Variants in VTA1 observed in about 807,000 individuals in gnomAD.
The protein encoded by VTA1 is vacuolar protein sorting-associated protein VTA1 homolog.
Under a neutral mutation model 36.9 loss-of-function variants are expected in VTA1, and 24 were observed. The observed-to-expected ratio is 0.65, with a 90% CI of 0.47 to 0.91. The LOEUF (loss-of-function observed/expected upper bound fraction) is 0.91. Ranked by LOEUF, VTA1 falls within the 40% of genes least tolerant of loss-of-function variation. The probability of loss-of-function intolerance (pLI) is 0.00; values close to 1 mark genes in which losing one functional copy is unlikely to be tolerated. For synonymous variants in VTA1, 142 were observed against 130.2 expected, an observed-to-expected ratio of 1.09 and a Z score of -0.62; for missense variants, 393 against 377.2, an observed-to-expected ratio of 1.04 and a Z score of -0.35.
chr6:142,210,048 G>A (rs186525321), intron 7 of VTA1, among the ~76,000 whole-genome samples: 5 of 152,056 alleles, frequency 3.3e-5, no homozygotes, highest in African/African-American at 7.2e-5. Context: ...AAACAACATG[G>A]TACTGGCATA....
intron 1 of VTA1, among the ~76,000 whole-genome samples, chr6:142,157,861 C>T (rs1582876386): frequency 2.2e-5 from 3 of 136,874 alleles, no homozygotes; most frequent in Non-Finnish European, 3.1e-5. Context: ...TATGTTTTTA[C>T]TATTTTGGGT....
At chr6:142,194,934 G>T (rs1052086241) in intron 5 of VTA1, among the ~76,000 whole-genome samples, 9 of 152,056 alleles carry the variant, frequency 5.9e-5, no homozygotes, top group African/African-American at 9.6e-5. Context: ...CTGTTAATAT[G>T]AGTTACATTG....
intron 4 of VTA1, among the ~76,000 whole-genome samples, chr6:142,176,683 A>T (rs1322126160): frequency 4.6e-5 from 7 of 152,100 alleles, no homozygotes; most frequent in Non-Finnish European, 1.5e-5. Context: ...ATTACAAAAG[A>T]GAAAATTTAA....
Position 142,218,942 on chromosome 6 carries a change from T to A in VTA1, c.*299T>A. On this transcript the variant is annotated 3_prime_UTR_variant, in exon 8 of 8. Transcript: ENST00000367630. ...AAACACACCTCTATAAAATGTGTAC[T>A]GGGAATAAGCTTTGTATTTACATAC... 4.9e-6 allele frequency: 1 copy of A among 203,108 alleles called. No homozygotes were observed. The highest frequency in any genetic ancestry group is 9.7e-6 in the Non-Finnish European group (1 of 102,570). The allele number at this position is 203,108 out of a possible 1,614,324, so 12.6% of individuals were successfully genotyped here. A position where few individuals can be genotyped will look rare whatever the true frequency, so the allele number is the denominator to read the frequency against.
At chr6:142,216,727 G>C (rs759615748) in intron 7 of VTA1, among the ~76,000 whole-genome samples, 17 of 152,090 alleles carry the variant, frequency 1.1e-4, no homozygotes, top group Non-Finnish European at 2.4e-4. Context: ...CAGAGTTCTT[G>C]CCATTATACA....
intron 1 of VTA1, among the ~76,000 whole-genome samples, chr6:142,156,690 C>A (rs1375730494): frequency 6.6e-6 from 1 of 152,116 alleles, no homozygotes; most frequent in Non-Finnish European, 1.5e-5. Flanking sequence ...CACACAGTCT[C>A]AAGAGTCTTC....
intron 1 of VTA1, among the ~76,000 whole-genome samples, chr6:142,165,702 A>C (rs1221679055): frequency 6.6e-6 from 1 of 152,182 alleles, no homozygotes; most frequent in African/African-American, 2.4e-5. Flanking sequence ...GGTGACAGCT[A>C]TTTAGGTTTA....
At position 142,222,070 on chromosome 6, in the gene VTA1, CTTTT is replaced by C. The variant is rs1299194794; in HGVS notation, c.*3432_*3435del. ...ATAAAACGGGATTGGTTTCTGGCGGCTTTTTTTTAGGTAGAGCCACAGGATTTCT... is the reference window on the plus strand; with the variant it reads ...ATAAAACGGGATTGGTTTCTGGCGGCTTTTAGGTAGAGCCACAGGATTTCT... On this transcript the variant is annotated 3_prime_UTR_variant, in exon 8 of 8. Transcript: ENST00000367630. 1 of 151,432 alleles carries C rather than the reference CTTTT, an allele frequency of 6.6e-6. No individual in the cohort carries two copies. The highest frequency in any genetic ancestry group is 2.4e-5 in the African/African-American group (1 of 41,254). The allele number at this position is 151,432 out of a possible 1,614,324, so 9.4% of individuals were successfully genotyped here.
At chr6:142,208,577 G>A (rs1189015760) in intron 7 of VTA1, among the ~76,000 whole-genome samples, 1 of 152,084 alleles carries the variant, frequency 6.6e-6, no homozygotes, top group Non-Finnish European at 1.5e-5. Flanking sequence ...GGTACAGGAA[G>A]GTCTTTTAAC....
Position 142,174,675 on chromosome 6 carries a change from A to C in VTA1, c.411+4254A>C, listed in dbSNP as rs541460443. 1.8e-4 allele frequency among the ~76,000 whole-genome samples: 27 copies of C among 152,306 alleles called. 1 individual carries two copies. The South Asian group carries it at 4.6e-3, about 26-fold the overall frequency. On this transcript the variant is annotated intron_variant, in intron 4 of 7. Coordinates refer to ENST00000367630, the MANE Select transcript of VTA1 (RefSeq NM_016485.5). ...TGGATGTTTGTCCCTGCCAAAACTC[A>C]TGTTAAAATGTGATCCTCAGTGTTG... is the stretch of plus-strand genomic sequence containing the variant.
intron 7 of VTA1, among the ~76,000 whole-genome samples, chr6:142,216,141 C>T (rs900140293): frequency 2.6e-5 from 4 of 151,946 alleles, no homozygotes; most frequent in Non-Finnish European, 5.9e-5. Flanking sequence ...AAAAAAACAG[C>T]TTTTATTTTG....
intron 1 of VTA1, 124 bp from the exon 2 acceptor site, chr6:142,166,104 A>C (rs773907499): frequency 1.5e-5 from 9 of 602,888 alleles, no homozygotes; most frequent in Non-Finnish European, 2.4e-5. Context: ...CTTCCATAGT[A>C]AATCAGTTTT....
intron 7 of VTA1, among the ~76,000 whole-genome samples, chr6:142,208,121 C>G (rs1775831328): frequency 6.7e-6 from 1 of 148,430 alleles, no homozygotes; most frequent in African/African-American, 2.5e-5. Flanking sequence ...CCAAAACTGA[C>G]CCTAACAAGA....
At position 142,147,547 on chromosome 6, in the gene VTA1, C is replaced by G. The variant is rs1035943416; in HGVS notation, c.112+148C>G. The G allele has an allele frequency of 4.0e-6, 3 of 754,664 alleles. No individual in the cohort carries two copies. The African/African-American group carries it at 5.2e-5, about 13-fold the overall frequency. 46.7% of individuals were successfully genotyped at this position (754,664 alleles called of 1,614,324 possible). A position where few individuals can be genotyped will look rare whatever the true frequency, so the allele number is the denominator to read the frequency against. ...GCCTACCCAGGGAACTCCCTGGGTT[C>G]CCACCCCCTGGCAGTAGGAATCCCA... On this transcript the variant is annotated intron_variant, in intron 1 of 7. Transcript: ENST00000367630.
chr6:142,197,024 T>C (rs985117148), intron 5 of VTA1, among the ~76,000 whole-genome samples: 5 of 152,176 alleles, frequency 3.3e-5, no homozygotes, highest in African/African-American at 1.2e-4. Flanking sequence ...CTTTCTTTTA[T>C]GTAGACTATT....
At chr6:142,165,435 T>G (rs1223125401) in intron 1 of VTA1, among the ~76,000 whole-genome samples, 1 of 152,208 alleles carries the variant, frequency 6.6e-6, no homozygotes, top group East Asian at 1.9e-4. Context: ...CTATCAATCT[T>G]CATTCAAAAA....
At chr6:142,169,852 G>A (rs1774996026) in intron 3 of VTA1, among the ~76,000 whole-genome samples, 175 bp downstream of exon 3, 1 of 151,820 alleles carries the variant, frequency 6.6e-6, no homozygotes, top group South Asian at 2.1e-4. Context: ...TCTCTTATAA[G>A]AAAATGGCTG....
chr6:142,147,300 G>C lies in VTA1; in HGVS notation c.13G>C (p.Ala5Pro), dbSNP rs1171806290. 8.7e-6 allele frequency: 14 copies of C among 1,614,070 alleles called. No homozygotes were observed. The highest frequency in any genetic ancestry group is 1.2e-5 in the Non-Finnish European group (14 of 1,180,034). MAAL[A>P]PLPPLPAQFK... ...GTTCGGAGTAGAGATGGCCGCGCTTGCACCGCTGCCCCCGCTCCCCGCACA... is the reference window on the plus strand; with the variant it reads ...GTTCGGAGTAGAGATGGCCGCGCTTCCACCGCTGCCCCCGCTCCCCGCACA... The change falls in exon 1 of 8, where the codon GCA (alanine) becomes CCA (proline). Residue 5 changes from alanine (A) to proline (P), a missense_variant. Coordinates refer to ENST00000367630, the MANE Select transcript of VTA1 (RefSeq NM_016485.5).
intron 1 of VTA1, among the ~76,000 whole-genome samples, chr6:142,148,848 G>A (rs1206505220): frequency 2.6e-5 from 4 of 152,112 alleles, no homozygotes; most frequent in Non-Finnish European, 5.9e-5. Context: ...CTCCATAGAG[G>A]TTATAAAAGT....
Sources: gnomAD v4.1 joint callset for allele counts (sites outside exome capture counted in the v4.1 genomes callset) on GRCh38, gnomAD v4.1.1 for gene constraint, MANE v1.5 for transcripts, NCBI Gene and HGNC (gene_info 2026-07-23, HGNC 2026-07-21) for gene names.